Variants in SAMD8 observed in about 807,000 individuals in gnomAD.
SAMD8 encodes the protein sterile alpha motif domain containing 8, also known as sphingomyelin synthase-related protein 1.
Under a neutral mutation model 42.0 loss-of-function variants are expected in SAMD8, and 20 were observed. That is an observed-to-expected ratio of 0.48 (90% confidence interval 0.34 to 0.69). The LOEUF is 0.69. Ranked by LOEUF, SAMD8 falls within the 30% of genes least tolerant of loss-of-function variation. The probability of loss-of-function intolerance (pLI) is 0.01; values close to 1 mark genes in which losing one functional copy is unlikely to be tolerated. For missense variants in SAMD8, 328 were observed against 511.6 expected (o/e 0.64, Z 3.46); for synonymous variants, 162 against 173.0 (o/e 0.94, Z 0.50).
intron 1 of SAMD8, among the ~76,000 whole-genome samples, chr10:75,119,157 G>GTT (rs1038143415): frequency 7.0e-6 from 1 of 143,576 alleles, no homozygotes; most frequent in Admixed American, 7.0e-5. Flanking sequence ...GTAATGATTT[G>GTT]TTTTTTTTTT....
chr10:75,111,069 TC>T (rs1236699319), upstream of SAMD8, among the ~76,000 whole-genome samples: 3 of 152,182 alleles, frequency 2.0e-5, no homozygotes, highest in East Asian at 5.8e-4. Flanking sequence ...CGCCTCAGCC[TC>T]CCAAAGTGCT....
Position 75,168,665 on chromosome 10 carries a change from T to G in SAMD8, c.792+7T>G. 6 of 1,524,560 alleles carry G rather than the reference T, an allele frequency of 3.9e-6. No homozygotes were observed. The highest frequency in any genetic ancestry group is 5.5e-6 in the Non-Finnish European group (6 of 1,098,344). 94.4% of individuals were successfully genotyped at this position (1,524,560 alleles called of 1,614,324 possible). On this transcript the variant is annotated splice_region_variant and intron_variant, in intron 4 of 5. Transcript: ENST00000542569. ...CCTGCAGTGTACTGGAAAGGTAGCCTGCTACCTTCTTTATCATTCTTGTTT... is the reference window on the plus strand; with the variant it reads ...CCTGCAGTGTACTGGAAAGGTAGCCGGCTACCTTCTTTATCATTCTTGTTT...
At chr10:75,143,724 T>C (rs942450259) in intron 1 of SAMD8, among the ~76,000 whole-genome samples, 15 of 152,268 alleles carry the variant, frequency 9.9e-5, no homozygotes, top group African/African-American at 3.6e-4. Context: ...TTGATTTTGG[T>C]ATGCCTTGGT....
intron 1 of SAMD8, among the ~76,000 whole-genome samples, chr10:75,141,432 A>C (rs922581996): frequency 6.6e-6 from 1 of 151,782 alleles, no homozygotes; most frequent in Non-Finnish European, 1.5e-5. Context: ...AAACTGACTT[A>C]TTCTAGTAAC....
chr10:75,171,314 C>G (rs529365433), intron 4 of SAMD8, among the ~76,000 whole-genome samples: 1 of 151,382 alleles, frequency 6.6e-6, no homozygotes, highest in South Asian at 2.1e-4. Flanking sequence ...CTACAGGCGC[C>G]CGCCACCATG....
At chr10:75,105,863 C>T in intron 1 of SAMD8, 1 of 1,547,464 alleles carries the variant, frequency 6.5e-7, no homozygotes, top group Non-Finnish European at 8.7e-7. Flanking sequence ...TGCACCAGGA[C>T]CTTGGCTGAG....
chr10:75,129,865 C>G (rs945612905), intron 1 of SAMD8, among the ~76,000 whole-genome samples: 1 of 152,040 alleles, frequency 6.6e-6, no homozygotes, highest in Admixed American at 6.6e-5. Flanking sequence ...AAAGAACTAC[C>G]CTGAACTTGT....
chr10:75,120,982 T>C (rs564641213), intron 1 of SAMD8, among the ~76,000 whole-genome samples: 1 of 152,042 alleles, frequency 6.6e-6, no homozygotes, highest in South Asian at 2.1e-4. Context: ...GGTTTTATGT[T>C]GACCAGGCTT....
chr10:75,180,593 A>G lies in SAMD8; in HGVS notation c.*3901A>G, dbSNP rs1452455665. On this transcript the variant is annotated 3_prime_UTR_variant, in exon 6 of 6. Transcript: ENST00000542569. Reference sequence around the variant, plus strand: ...CAAAAAAACAAAACAAAATAAAATAATAATGTGGGCTATTCAGAAGAAAAA... The same window carrying G: ...CAAAAAAACAAAACAAAATAAAATAGTAATGTGGGCTATTCAGAAGAAAAA... 6.6e-6 allele frequency: 1 copy of G among 152,214 alleles called. No individual in the cohort carries two copies. The highest frequency in any genetic ancestry group is 1.5e-5 in the Non-Finnish European group (1 of 68,102). The allele number at this position is 152,214 out of a possible 1,614,324, so 9.4% of individuals were successfully genotyped here.
chr10:75,168,012 T>C (rs1264024853), intron 3 of SAMD8, among the ~76,000 whole-genome samples: 1 of 152,180 alleles, frequency 6.6e-6, no homozygotes, highest in Admixed American at 6.5e-5. Context: ...TTCTTTTTTT[T>C]TGAGACGGAG....
intron 1 of SAMD8, among the ~76,000 whole-genome samples, chr10:75,124,992 G>T (rs895666361): frequency 6.6e-6 from 1 of 151,912 alleles, no homozygotes; most frequent in Non-Finnish European, 1.5e-5. Flanking sequence ...TCACGATGTT[G>T]CCCAGGCTGG....
intron 1 of SAMD8, among the ~76,000 whole-genome samples, chr10:75,102,438 G>A (rs1167322408): frequency 2.6e-5 from 4 of 151,950 alleles, no homozygotes; most frequent in African/African-American, 4.8e-5. Context: ...GCGAGACTCC[G>A]TCTCAAAAAG....
intron 2 of SAMD8, among the ~76,000 whole-genome samples, chr10:75,161,712 A>G (rs1375159842): frequency 6.6e-6 from 1 of 152,130 alleles, no homozygotes; most frequent in Non-Finnish European, 1.5e-5. Context: ...GGGAAAAAAA[A>G]AAAGTAGAGA....
At chr10:75,131,715 A>G (rs958819903) in intron 1 of SAMD8, among the ~76,000 whole-genome samples, 3 of 152,224 alleles carry the variant, frequency 2.0e-5, no homozygotes, top group African/African-American at 4.8e-5. Flanking sequence ...ACTTGATAGC[A>G]TTATTAACTC....
rs567190497 is a variant in SAMD8, at chr10:75,147,383, G to A, written c.-15-3131G>A. ...ACTGTGTTGCCCAGGCTGGAGTGCCGTGGTGTGATCTCTACTAACTGCAAC... is the reference window on the plus strand; with the variant it reads ...ACTGTGTTGCCCAGGCTGGAGTGCCATGGTGTGATCTCTACTAACTGCAAC... On this transcript the variant is annotated intron_variant, in intron 1 of 5. Coordinates refer to ENST00000542569, the MANE Select transcript of SAMD8 (RefSeq NM_001174156.2). 5.3e-5 allele frequency among the ~76,000 whole-genome samples: 8 copies of A among 152,162 alleles called. No individual in the cohort carries two copies. In the South Asian group the frequency reaches 6.2e-4, roughly 12 times the overall value.
chr10:75,138,496 C>G (rs1308891885), intron 1 of SAMD8, among the ~76,000 whole-genome samples: 1 of 152,134 alleles, frequency 6.6e-6, no homozygotes, highest in Middle Eastern at 3.2e-3. Context: ...TTGGGTCACT[C>G]TAATGGGATG....
At chr10:75,156,653 T>C (rs1248726449) in intron 2 of SAMD8, among the ~76,000 whole-genome samples, 1 of 150,858 alleles carries the variant, frequency 6.6e-6, no homozygotes, top group Admixed American at 6.6e-5. Flanking sequence ...AAAAAAAAAC[T>C]TTAACCTATA....
At chr10:75,103,297 G>C (rs1363687354) in intron 1 of SAMD8, among the ~76,000 whole-genome samples, 1 of 152,244 alleles carries the variant, frequency 6.6e-6, no homozygotes, top group African/African-American at 2.4e-5. Flanking sequence ...GACAGGTCCA[G>C]GATAAAGACC....
chr10:75,149,779 A>G (rs1184147816), intron 1 of SAMD8, among the ~76,000 whole-genome samples: 2 of 152,118 alleles, frequency 1.3e-5, no homozygotes. Context: ...TTTTATGAAA[A>G]GTATTAAAAT....
Sources: allele counts gnomAD v4.1 joint callset (sites outside exome capture counted in the v4.1 genomes callset), GRCh38; gene constraint gnomAD v4.1.1; transcripts MANE v1.5; gene names NCBI Gene and HGNC (gene_info 2026-07-23, HGNC 2026-07-21).